The following CPE variants were observed in gnomAD, a reference collection of about 807,000 sequenced individuals.
CPE encodes carbocypeptidase E.
Under a neutral mutation model 53.5 loss-of-function variants are expected in CPE, and 17 were observed. The ratio of observed to expected loss-of-function variants is 0.32; its 90% CI spans 0.22 to 0.48. CPE has a LOEUF of 0.48. Among genes scored for constraint, CPE ranks in the 20% least tolerant of loss-of-function variants. The pLI is 0.99. For synonymous variants in CPE, 226 were observed against 228.8 expected, an observed-to-expected ratio of 0.99 and a Z score of 0.11; for missense variants, 524 against 614.7, an observed-to-expected ratio of 0.85 and a Z score of 1.56.
chr4:165,448,569 A>C (rs1731754787), intron 1 of CPE, among the ~76,000 whole-genome samples: 2 of 152,160 alleles, frequency 1.3e-5, no homozygotes, highest in African/African-American at 4.8e-5. Flanking sequence ...AGCCATAAGA[A>C]GGAGGTCCCT....
chr4:165,445,397 T>C (rs1273714517), intron 1 of CPE, among the ~76,000 whole-genome samples: 8 of 152,306 alleles, frequency 5.3e-5, no homozygotes, highest in Admixed American at 3.9e-4. Context: ...TTTTTTAAAA[T>C]ACTAATTTCG....
chr4:165,404,310 T>G (rs1730919285), intron 1 of CPE: 1 of 771,644 alleles, frequency 1.3e-6, no homozygotes, highest in Non-Finnish European at 2.4e-6. Context: ...ACTGCCTCAT[T>G]CACAAATCTT....
At chr4:165,461,454 A>G (rs1362323343) in intron 1 of CPE, among the ~76,000 whole-genome samples, 5 of 152,082 alleles carry the variant, frequency 3.3e-5, no homozygotes, top group African/African-American at 4.8e-5. Context: ...TTATCATGAA[A>G]GCAAAGGGGA....
chr4:165,433,491 C>T (rs1731445955), intron 1 of CPE, among the ~76,000 whole-genome samples: 2 of 152,198 alleles, frequency 1.3e-5, no homozygotes, highest in South Asian at 4.1e-4. Context: ...TTATTATCCT[C>T]TCAGCCCCTC....
In CPE at chr4:165,487,418, T is replaced by C. The variant is rs772530456; in HGVS notation, c.974-20T>C. The stretch of plus-strand genomic sequence containing the variant: ...AGGCTCCTTGTGCATATTTTGACTT[T>C]CCATTTGGTGTTTTGGCAGGGATGC... On this transcript the variant is annotated intron_variant, in intron 5 of 8. Coordinates refer to ENST00000402744, the MANE Select transcript of CPE (RefSeq NM_001873.4). 5.0e-6 allele frequency: 8 copies of C among 1,613,230 alleles called. No homozygotes were observed. The highest frequency in any genetic ancestry group is 6.8e-6 in the Non-Finnish European group (8 of 1,179,906).
rs62352307 is a variant in CPE, at chr4:165,396,820, G to C, written c.307+17292G>C. On this transcript the variant is annotated intron_variant, in intron 1 of 8. Coordinates refer to ENST00000402744, the MANE Select transcript of CPE (RefSeq NM_001873.4). ...TGAGGCAGGACAATCACTTGAGCTG[G>C]GGAGTTTGAGACCACTCAGACTCAC... 3.9e-3 allele frequency among the ~76,000 whole-genome samples: 586 copies of C among 151,882 alleles called. 4 individuals carry two copies. Among genetic ancestry groups the C allele is most frequent in the Non-Finnish European group, 6.9e-3 (469 of 67,926 alleles).
At chr4:165,408,089 TC>T in intron 1 of CPE, among the ~76,000 whole-genome samples, 1 of 152,292 alleles carries the variant, frequency 6.6e-6, no homozygotes. Flanking sequence ...TTTGCAAAAA[TC>T]TTCTCCCATT....
chr4:165,422,748 C>T (rs572529014), intron 1 of CPE, among the ~76,000 whole-genome samples: 17 of 152,064 alleles, frequency 1.1e-4, no homozygotes, highest in African/African-American at 4.1e-4. Context: ...GAGGCCGAGG[C>T]GGGTGGATCA....
chr4:165,405,852 A>C, intron 1 of CPE: 1 of 745,412 alleles, frequency 1.3e-6, no homozygotes, highest in Non-Finnish European at 2.5e-6. Context: ...GCAAGACTTC[A>C]GGAGCACCGA....
intron 1 of CPE, among the ~76,000 whole-genome samples, chr4:165,427,078 T>C (rs1731333435): frequency 6.6e-6 from 1 of 152,212 alleles, no homozygotes; most frequent in Admixed American, 6.5e-5. Context: ...TATTGCTTTG[T>C]TCCCTTTACT....
At chr4:165,494,440 C>T (rs1325600833) in intron 7 of CPE, among the ~76,000 whole-genome samples, 2 of 152,056 alleles carry the variant, frequency 1.3e-5, no homozygotes, top group African/African-American at 4.8e-5. Flanking sequence ...ATAGAACTGA[C>T]GGTAGAAAAT....
At chr4:165,402,636 G>A (rs927847661) in intron 1 of CPE, among the ~76,000 whole-genome samples, 2 of 152,172 alleles carry the variant, frequency 1.3e-5, no homozygotes, top group Admixed American at 6.5e-5. Flanking sequence ...TACCATGAGT[G>A]AGAGCTCCCT....
At chr4:165,426,696 C>T (rs1002240627) in intron 1 of CPE, among the ~76,000 whole-genome samples, 1 of 152,186 alleles carries the variant, frequency 6.6e-6, no homozygotes, top group Non-Finnish European at 1.5e-5. Flanking sequence ...TGCACACTCA[C>T]CGGTTTGAGA....
intron 1 of CPE, among the ~76,000 whole-genome samples, chr4:165,431,393 A>G (rs1027292917): frequency 1.3e-5 from 2 of 152,216 alleles, no homozygotes; most frequent in Admixed American, 6.5e-5. Context: ...CCTTTTGTAC[A>G]TGAGAGGAAA....
In CPE at chr4:165,467,747, C is replaced by T. The variant is rs1008658045; in HGVS notation, c.564C>T (p.Asn188=). ...GRSNAQGIDL[N]RNFPDLDRIV... ...GCAATGCCCAGGGAATAGATCTGAA[C>T]CGGAACTTTCCAGACCTGGATAGGA... The change falls in exon 3 of 9, where the codon AAC becomes AAT. Residue 188 remains asparagine, a synonymous_variant. Transcript: ENST00000402744. The T allele has an allele frequency of 2.5e-6, 4 of 1,613,264 alleles. No homozygotes were observed. Among genetic ancestry groups the T allele is most frequent in the Non-Finnish European group, 3.4e-6 (4 of 1,179,710 alleles).
chr4:165,467,358 A>G (rs758575294), intron 2 of CPE, among the ~76,000 whole-genome samples: 1 of 152,172 alleles, frequency 6.6e-6, no homozygotes. Context: ...ACACAAACAC[A>G]CATATCGGCC....
intron 1 of CPE, among the ~76,000 whole-genome samples, chr4:165,424,960 C>T (rs1399717511): frequency 1.3e-5 from 2 of 151,594 alleles, no homozygotes; most frequent in Non-Finnish European, 2.9e-5. Flanking sequence ...CTGCAACCTA[C>T]ACCTCCCTGG....
At chr4:165,411,711 C>A (rs1341318457) in intron 1 of CPE, among the ~76,000 whole-genome samples, 2 of 152,122 alleles carry the variant, frequency 1.3e-5, no homozygotes, top group Non-Finnish European at 2.9e-5. Context: ...GCAAACAGAT[C>A]TGGTTTATCT....
At chr4:165,489,083 C>T (rs929446761) in intron 6 of CPE, among the ~76,000 whole-genome samples, 7 of 152,214 alleles carry the variant, frequency 4.6e-5, no homozygotes, top group African/African-American at 1.7e-4. Context: ...AAGCAGTCCA[C>T]GATGACTCTA....
Sources: allele counts gnomAD v4.1 joint callset (sites outside exome capture counted in the v4.1 genomes callset), GRCh38; gene constraint gnomAD v4.1.1; transcripts MANE v1.5; gene names NCBI Gene and HGNC (gene_info 2026-07-23, HGNC 2026-07-21).